Variants in CTNNAL1 observed in about 807,000 individuals in gnomAD.
CTNNAL1 encodes catenin alpha like 1.
In CTNNAL1, 69 loss-of-function variants were observed where a neutral mutation model predicts 93.6. The observed-to-expected ratio is 0.74, with a 90% CI of 0.61 to 0.90. The LOEUF is 0.90. Among genes scored for constraint, CTNNAL1 ranks in the 40% least tolerant of loss-of-function variants. The pLI, the probability that CTNNAL1 is intolerant of heterozygous loss-of-function variation, is 0.00. For missense variants in CTNNAL1, 836 were observed against 862.0 expected (o/e 0.97, Z 0.38); for synonymous variants, 286 against 305.4 (o/e 0.94, Z 0.66).
In CTNNAL1 at chr9:108,945,646, T is replaced by TG. The variant is rs1173250862; in HGVS notation, c.1885-1629_1885-1628insC. Among the ~76,000 whole-genome samples, 403 of 148,760 alleles carry TG rather than the reference T, an allele frequency of 2.7e-3. 1 individual carries two copies. Among genetic ancestry groups the TG allele is most frequent in the African/African-American group, 9.7e-3 (373 of 38,556 alleles). ...CCCGCTAGTTTTTTTTTTTTTTGTT[T>TG]TGTTTTTTTGTAGAGACAAGGTCTC... On this transcript the variant is annotated intron_variant, in intron 15 of 18. Coordinates refer to ENST00000325551, the MANE Select transcript of CTNNAL1 (RefSeq NM_003798.4).
At chr9:108,997,191 ACCCAGGGTCTT>A (rs1327410462) in intron 2 of CTNNAL1, among the ~76,000 whole-genome samples, 1 of 152,190 alleles carries the variant, frequency 6.6e-6, no homozygotes, top group Non-Finnish European at 1.5e-5. Flanking sequence ...CCAAAAGTCA[ACCCAGGGTCTT>A]CCCTTTCCTT....
chr9:109,010,910 T>C (rs768302947), intron 1 of CTNNAL1, among the ~76,000 whole-genome samples: 2 of 152,232 alleles, frequency 1.3e-5, no homozygotes, highest in South Asian at 4.1e-4. Flanking sequence ...GTACCATTGA[T>C]GATGTTCATT....
At chr9:109,011,650 T>G (rs1827206260) in intron 1 of CTNNAL1, among the ~76,000 whole-genome samples, 1 of 152,250 alleles carries the variant, frequency 6.6e-6, no homozygotes, top group South Asian at 2.1e-4. Flanking sequence ...GGACACAGCA[T>G]AGTGTAGCAA....
chr9:108,992,547 C>A (rs2132178002), intron 3 of CTNNAL1, 85 bp downstream of exon 3: 1 of 1,458,210 alleles, frequency 6.9e-7, no homozygotes, highest in East Asian at 2.4e-5. Flanking sequence ...ACACACAAGC[C>A]AAGCAATCCA....
At chr9:108,979,723 T>A (rs1342244448) in intron 6 of CTNNAL1, among the ~76,000 whole-genome samples, 1 of 152,232 alleles carries the variant, frequency 6.6e-6, no homozygotes, top group African/African-American at 2.4e-5. Flanking sequence ...GACATTGCTA[T>A]GAGATCAGTG....
intron 2 of CTNNAL1, among the ~76,000 whole-genome samples, chr9:108,994,423 TAAG>T (rs1437579161): frequency 6.6e-6 from 1 of 152,016 alleles, no homozygotes; most frequent in Non-Finnish European, 1.5e-5. Context: ...TGACCAATGA[TAAG>T]AAGGAAAGAA....
rs1830705324 is a variant in CTNNAL1 at position 108,957,081 on chromosome 9, C to A, written c.1592-1254G>T. On this transcript the variant is annotated intron_variant, in intron 11 of 18. Transcript: ENST00000325551. Reference sequence around the variant, plus strand: ...GGTTAAAAATTATTAAAACAAATTTCATGTTTCTTTTTAATTTTTCTTGTG... The same window carrying A: ...GGTTAAAAATTATTAAAACAAATTTAATGTTTCTTTTTAATTTTTCTTGTG... Among the ~76,000 whole-genome samples, 4 of 149,508 alleles carry A rather than the reference C, an allele frequency of 2.7e-5. No homozygotes were observed. In the South Asian group the frequency reaches 6.4e-4, roughly 24 times the overall value.
At chr9:108,996,860 G>T (rs974788513) in intron 2 of CTNNAL1, among the ~76,000 whole-genome samples, 9 of 152,062 alleles carry the variant, frequency 5.9e-5, no homozygotes. Flanking sequence ...AGGAAAAAAA[G>T]TCTCTCCTCT....
At chr9:108,953,476 T>C (rs963535329) in intron 12 of CTNNAL1, among the ~76,000 whole-genome samples, 5 of 152,114 alleles carry the variant, frequency 3.3e-5, no homozygotes, top group African/African-American at 1.2e-4. Flanking sequence ...CAAACACACA[T>C]TGGGTATGGA....
At chr9:108,947,657 C>A (rs975104592) in intron 15 of CTNNAL1, among the ~76,000 whole-genome samples, 1 of 152,140 alleles carries the variant, frequency 6.6e-6, no homozygotes, top group African/African-American at 2.4e-5. Context: ...TGTTAAGACA[C>A]ATGGCACAAG....
chr9:108,943,878 A>T (rs1830320030), intron 16 of CTNNAL1, 62 bp from the exon 17 acceptor site: 4 of 1,598,786 alleles, frequency 2.5e-6, no homozygotes, highest in Non-Finnish European at 3.4e-6. Context: ...AATACCTTAA[A>T]CACATTTATA....
intron 4 of CTNNAL1, among the ~76,000 whole-genome samples, chr9:108,987,243 A>G (rs1381713483): frequency 1.3e-5 from 2 of 151,958 alleles, no homozygotes; most frequent in East Asian, 3.9e-4. Flanking sequence ...AGCTTTCTAC[A>G]TATGGCTAGC....
intron 1 of CTNNAL1, among the ~76,000 whole-genome samples, chr9:109,007,312 C>T (rs924475117): frequency 1.3e-5 from 2 of 152,110 alleles, no homozygotes; most frequent in African/African-American, 4.8e-5. Flanking sequence ...GGCGCCTTAT[C>T]TACTCTCTTC....
chr9:108,972,124 T>C (rs575441515), intron 9 of CTNNAL1, among the ~76,000 whole-genome samples: 1 of 152,300 alleles, frequency 6.6e-6, no homozygotes, highest in Admixed American at 6.5e-5. Context: ...GGGCTGTCTC[T>C]GGGCCTAGTC....
At chr9:108,974,040 A>C (rs187473367) in intron 8 of CTNNAL1, among the ~76,000 whole-genome samples, 94 of 152,370 alleles carry the variant, frequency 6.2e-4, no homozygotes, top group African/African-American at 2.1e-3. Flanking sequence ...ACAGACTACG[A>C]AACAGCTCCA....
intron 6 of CTNNAL1, among the ~76,000 whole-genome samples, chr9:108,982,721 G>C (rs1831473157): frequency 6.6e-6 from 1 of 152,186 alleles, no homozygotes; most frequent in Non-Finnish European, 1.5e-5. Flanking sequence ...TTGCTTTTGT[G>C]AAGCACTGTT....
intron 11 of CTNNAL1, among the ~76,000 whole-genome samples, chr9:108,960,852 G>C (rs543327590): frequency 2.2e-4 from 34 of 152,294 alleles, no homozygotes; most frequent in Admixed American, 9.8e-4. Context: ...CTGGAGGTTT[G>C]GGTGAGAAGG....
At chr9:108,986,663 A>G (rs1831618283) in intron 4 of CTNNAL1, among the ~76,000 whole-genome samples, 7 of 151,826 alleles carry the variant, frequency 4.6e-5, no homozygotes, top group Middle Eastern at 6.8e-3. Context: ...AAGTGCTCCT[A>G]TTTCTCCACA....
At chr9:108,952,090 G>T in intron 14 of CTNNAL1, 119 bp downstream of exon 14, 2 of 781,572 alleles carry the variant, frequency 2.6e-6, no homozygotes, top group Non-Finnish European at 3.9e-6. Context: ...ACTACTTTTA[G>T]TCTTTTTACC....
Sources: gnomAD v4.1 joint callset for allele counts (sites outside exome capture counted in the v4.1 genomes callset) on GRCh38, gnomAD v4.1.1 for gene constraint, MANE v1.5 for transcripts, NCBI Gene and HGNC (gene_info 2026-07-23, HGNC 2026-07-21) for gene names.